The following SPIDR variants were observed in gnomAD, a reference collection of about 807,000 sequenced individuals.
SPIDR encodes the protein DNA repair-scaffolding protein.
Under a neutral mutation model 104.6 loss-of-function variants are expected in SPIDR, and 93 were observed. That is an observed-to-expected ratio of 0.89 (90% CI 0.75 to 1.06). The LOEUF is 1.06. Ranked by LOEUF, SPIDR falls within the 50% of genes least tolerant of loss-of-function variation. The probability of loss-of-function intolerance (pLI) is 0.00; values close to 1 mark genes in which losing one functional copy is unlikely to be tolerated. For missense variants in SPIDR, 1,154 were observed against 1,111.2 expected (o/e 1.04, Z -0.55); for synonymous variants, 431 against 416.9 (o/e 1.03, Z -0.41).
chr8:47,446,963 C>T (rs533787594), intron 8 of SPIDR, among the ~76,000 whole-genome samples: 1 of 152,230 alleles, frequency 6.6e-6, no homozygotes, highest in East Asian at 1.9e-4. Flanking sequence ...TAAGAACATT[C>T]ATGATTCATG....
intron 10 of SPIDR, chr8:47,673,569 A>G (rs1172082095): frequency 1.7e-6 from 1 of 584,586 alleles, no homozygotes; most frequent in East Asian, 3.6e-5. Flanking sequence ...GAACACATAC[A>G]GAAAGGATAT....
intron 6 of SPIDR, among the ~76,000 whole-genome samples, chr8:47,400,426 A>G (rs1338689726): frequency 3.9e-5 from 6 of 152,244 alleles, no homozygotes; most frequent in Non-Finnish European, 8.8e-5. Flanking sequence ...TGTTAGTCTC[A>G]GGTCTTCAAA....
chr8:47,410,707 G>A (rs902679097), intron 7 of SPIDR, among the ~76,000 whole-genome samples: 11 of 151,620 alleles, frequency 7.3e-5, no homozygotes, highest in African/African-American at 2.4e-4. Flanking sequence ...TGTGCACAAC[G>A]TGCAGGTTTC....
chr8:47,566,286 G>A (rs890732724), intron 8 of SPIDR, among the ~76,000 whole-genome samples: 7 of 151,670 alleles, frequency 4.6e-5, no homozygotes, highest in South Asian at 2.1e-4. Flanking sequence ...GATTACAGGC[G>A]TGAGCCACCG....
At chr8:47,470,054 C>T (rs1232648981) in intron 8 of SPIDR, among the ~76,000 whole-genome samples, 3 of 152,152 alleles carry the variant, frequency 2.0e-5, no homozygotes, top group South Asian at 4.2e-4. Flanking sequence ...AAAATCTATT[C>T]GAATATTCAT....
rs544599161 is a variant in SPIDR at position 47,654,209 on chromosome 8, A to G, written c.1545-19592A>G. ...GAGCACTGTAGCAGCAACCTGCAGG[A>G]GGGGTTAGAAGAAAGGAAAGAACAG... On this transcript the variant is annotated intron_variant, in intron 10 of 19. Transcript: ENST00000297423. 2.3e-5 allele frequency: 29 copies of G among 1,274,332 alleles called. No individual in the cohort carries two copies. In the South Asian group the frequency reaches 3.1e-4, roughly 14 times the overall value. The allele number at this position is 1,274,332 out of a possible 1,614,324, so 78.9% of individuals were successfully genotyped here.
intron 10 of SPIDR, among the ~76,000 whole-genome samples, chr8:47,616,113 C>T (rs937719740): frequency 1.3e-5 from 2 of 152,106 alleles, no homozygotes; most frequent in Non-Finnish European, 2.9e-5. Context: ...ATTGTCATCG[C>T]GAGTAAAGAC....
At chr8:47,502,314 C>T (rs573330139) in intron 8 of SPIDR, among the ~76,000 whole-genome samples, 1 of 152,314 alleles carries the variant, frequency 6.6e-6, no homozygotes, top group South Asian at 2.1e-4. Flanking sequence ...GCCTCAATTT[C>T]AGAGCCTGTT....
intron 16 of SPIDR, among the ~76,000 whole-genome samples, chr8:47,717,019 GA>G (rs1311846518): frequency 1.3e-5 from 2 of 152,176 alleles, no homozygotes; most frequent in Admixed American, 6.5e-5. Context: ...GGGTGGAGCA[GA>G]CTGCCTGGCC....
chr8:47,309,418 C>G (rs2043715758), intron 5 of SPIDR, among the ~76,000 whole-genome samples: 1 of 152,066 alleles, frequency 6.6e-6, no homozygotes, highest in South Asian at 2.1e-4. Context: ...GGCTTTTATT[C>G]TCTTTATGAA....
chr8:47,592,910 G>A (rs2061215077), intron 8 of SPIDR, among the ~76,000 whole-genome samples: 1 of 151,928 alleles, frequency 6.6e-6, no homozygotes, highest in African/African-American at 2.4e-5. Context: ...TTTTGAAGAG[G>A]AGTTTTGCTT....
intron 7 of SPIDR, among the ~76,000 whole-genome samples, chr8:47,420,316 A>G (rs2065195471): frequency 6.6e-6 from 1 of 152,132 alleles, no homozygotes; most frequent in South Asian, 2.1e-4. Context: ...AGGTGCATAT[A>G]TATTTAGGAT....
intron 8 of SPIDR, among the ~76,000 whole-genome samples, chr8:47,498,503 A>G (rs2079816826): frequency 6.6e-6 from 1 of 152,210 alleles, no homozygotes; most frequent in African/African-American, 2.4e-5. Context: ...ATGAGTTACA[A>G]TGAATGCTTT....
intron 5 of SPIDR, among the ~76,000 whole-genome samples, chr8:47,355,893 G>A (rs1387784355): frequency 4.6e-5 from 7 of 152,134 alleles, no homozygotes; most frequent in Non-Finnish European, 8.8e-5. Flanking sequence ...ACTTCCCCGT[G>A]GTGGCTCTTT....
intron 8 of SPIDR, among the ~76,000 whole-genome samples, chr8:47,523,690 A>G (rs1388149526): frequency 6.6e-6 from 1 of 152,118 alleles, no homozygotes; most frequent in Non-Finnish European, 1.5e-5. Flanking sequence ...TCCCTGTTAC[A>G]TAGTGCTGGG....
At position 47,354,697 on chromosome 8, in the gene SPIDR, A is replaced by C. The variant is rs1174264818; in HGVS notation, c.526-41679A>C. Reference sequence around the variant, plus strand: ...CACTCTGTTGCCCAGGCTGAAGTGCAGTGATGCAGTCATAGCACACTGCAG... The same window carrying C: ...CACTCTGTTGCCCAGGCTGAAGTGCCGTGATGCAGTCATAGCACACTGCAG... On this transcript the variant is annotated intron_variant, in intron 5 of 19. Transcript: ENST00000297423. 2.6e-5 allele frequency among the ~76,000 whole-genome samples: 4 copies of C among 152,084 alleles called. No individual in the cohort carries two copies. In the East Asian group the frequency reaches 5.8e-4, roughly 22 times the overall value.
At chr8:47,434,909 T>C (rs1195160410) in intron 7 of SPIDR, among the ~76,000 whole-genome samples, 1 of 152,232 alleles carries the variant, frequency 6.6e-6, no homozygotes, top group Admixed American at 6.5e-5. Context: ...TTTAACTCAG[T>C]AGTCACAGAC....
intron 10 of SPIDR, among the ~76,000 whole-genome samples, chr8:47,600,124 A>G (rs879839065): frequency 1.3e-5 from 2 of 152,246 alleles, no homozygotes; most frequent in Non-Finnish European, 2.9e-5. Context: ...ATGGATTTCC[A>G]ACAGAATAGA....
At chr8:47,444,441 A>G (rs1442927824) in intron 8 of SPIDR, among the ~76,000 whole-genome samples, 1 of 152,230 alleles carries the variant, frequency 6.6e-6, no homozygotes, top group Non-Finnish European at 1.5e-5. Context: ...TACACATCCC[A>G]GTATGCTGGA....
Sources: gnomAD v4.1 joint callset for allele counts (sites outside exome capture counted in the v4.1 genomes callset) on GRCh38, gnomAD v4.1.1 for gene constraint, MANE v1.5 for transcripts, NCBI Gene and HGNC (gene_info 2026-07-23, HGNC 2026-07-21) for gene names.